FBXL7: variants seen among roughly 807,000 people sequenced by gnomAD.
FBXL7 encodes the protein F-box and leucine rich repeat protein 7.
Under a neutral mutation model 38.3 loss-of-function variants are expected in FBXL7, and 12 were observed. The observed-to-expected ratio is 0.31, with a 90% CI of 0.20 to 0.51. FBXL7 has a LOEUF of 0.51. Among genes scored for constraint, FBXL7 ranks in the 20% least tolerant of loss-of-function variants. The pLI is 0.98. For synonymous variants in FBXL7, 297 were observed against 300.9 expected, an observed-to-expected ratio of 0.99 and a Z score of 0.13; for missense variants, 567 against 676.4, an observed-to-expected ratio of 0.84 and a Z score of 1.79.
At chr5:15,850,660 TGCAGGGCAGC>T (rs1739067311) in intron 2 of FBXL7, among the ~76,000 whole-genome samples, 2 of 152,358 alleles carry the variant, frequency 1.3e-5, no homozygotes, top group Admixed American at 6.5e-5. Flanking sequence ...ATTCGGTTCT[TGCAGGGCAGC>T]GCCCACTCAT....
At chr5:15,888,002 C>A (rs948602540) in intron 2 of FBXL7, among the ~76,000 whole-genome samples, 2 of 152,122 alleles carry the variant, frequency 1.3e-5, no homozygotes, top group Non-Finnish European at 2.9e-5. Context: ...ACCAAAAGTT[C>A]AGAATATCCT....
chr5:15,701,301 A>G (rs994358246), intron 2 of FBXL7, among the ~76,000 whole-genome samples: 6 of 152,216 alleles, frequency 3.9e-5, no homozygotes, highest in Non-Finnish European at 7.3e-5. Context: ...CAAATAGTCC[A>G]ATGACTGTTT....
chr5:15,868,018 C>G (rs1428803498), intron 2 of FBXL7, among the ~76,000 whole-genome samples: 1 of 150,884 alleles, frequency 6.6e-6, no homozygotes, highest in African/African-American at 2.4e-5. Flanking sequence ...GCAGGAGAAT[C>G]ACTTGAACCC....
chr5:15,741,803 C>CT (rs35647246), intron 2 of FBXL7, among the ~76,000 whole-genome samples: 11,647 of 150,494 alleles, frequency 0.077, 623 homozygotes, highest in Admixed American at 0.14. Context: ...AAAAGAACAA[C>CT]TTTTTTTTTT....
chr5:15,545,105 T>C (rs1200157926), intron 1 of FBXL7, among the ~76,000 whole-genome samples: 1 of 152,202 alleles, frequency 6.6e-6, no homozygotes, highest in Non-Finnish European at 1.5e-5. Flanking sequence ...CTTAGAACAA[T>C]TAGGAAGACT....
chr5:15,878,841 C>A (rs1053311821), intron 2 of FBXL7, among the ~76,000 whole-genome samples: 1 of 152,134 alleles, frequency 6.6e-6, no homozygotes, highest in Admixed American at 6.5e-5. Context: ...TTCAAGCTGC[C>A]CTTGGCTGAC....
chr5:15,545,621 A>G (rs1737873124), intron 1 of FBXL7, among the ~76,000 whole-genome samples: 1 of 152,194 alleles, frequency 6.6e-6, no homozygotes, highest in Non-Finnish European at 1.5e-5. Context: ...TGTCATCAAA[A>G]AATTAGTTTA....
At chr5:15,771,486 A>T (rs1340440877) in intron 2 of FBXL7, among the ~76,000 whole-genome samples, 1 of 152,224 alleles carries the variant, frequency 6.6e-6, no homozygotes, top group African/African-American at 2.4e-5. Context: ...ATGTATAGGA[A>T]ATCTGAGATA....
chr5:15,618,998 A>C (rs1053621623), intron 2 of FBXL7, among the ~76,000 whole-genome samples: 1 of 152,162 alleles, frequency 6.6e-6, no homozygotes, highest in African/African-American at 2.4e-5. Context: ...TAAAAAGAGA[A>C]GTTCATGTGC....
At chr5:15,530,667 G>A (rs1737396311) in intron 1 of FBXL7, among the ~76,000 whole-genome samples, 1 of 152,190 alleles carries the variant, frequency 6.6e-6, no homozygotes, top group South Asian at 2.1e-4. Flanking sequence ...AAGGGAAAAG[G>A]TATATGGGAC....
At chr5:15,927,845 T>C in intron 2 of FBXL7, 45 bp from the exon 3 acceptor site, 1 of 1,466,692 alleles carries the variant, frequency 6.8e-7, no homozygotes, top group South Asian at 1.6e-5. Context: ...CCTGGGGCTC[T>C]GCTGAGGCCA....
At position 15,638,293 on chromosome 5, in the gene FBXL7, A is replaced by G. The variant is rs190695538; in HGVS notation, c.127+22221A>G. On this transcript the variant is annotated intron_variant, in intron 2 of 3. Coordinates refer to ENST00000504595, the MANE Select transcript of FBXL7 (RefSeq NM_012304.5). The stretch of plus-strand genomic sequence containing the variant: ...TGGAGTCACAAGGGGGAATTGGAAC[A>G]TAGGGTTGTTCCTGTGTGTGAGGAA... Among the ~76,000 whole-genome samples, 205 of 152,312 alleles carry G rather than the reference A, an allele frequency of 1.3e-3. 3 individuals are homozygous for G. Among genetic ancestry groups the G allele is most frequent in the African/African-American group, 4.7e-3 (195 of 41,582 alleles).
chr5:15,671,278 A>G (rs748264812), intron 2 of FBXL7, among the ~76,000 whole-genome samples: 7 of 152,174 alleles, frequency 4.6e-5, no homozygotes, highest in Non-Finnish European at 1.0e-4. Flanking sequence ...TATCCCTTTA[A>G]TTTCAGCTAA....
intron 1 of FBXL7, among the ~76,000 whole-genome samples, chr5:15,530,164 A>G (rs1012827741): frequency 6.6e-6 from 1 of 152,242 alleles, no homozygotes; most frequent in African/African-American, 2.4e-5. Context: ...ACTAATGTCA[A>G]CAATTCCTTA....
chr5:15,621,007 C>A (rs898456327), intron 2 of FBXL7, among the ~76,000 whole-genome samples: 3 of 152,174 alleles, frequency 2.0e-5, no homozygotes, highest in Non-Finnish European at 4.4e-5. Flanking sequence ...ATCCAGTGTT[C>A]CAGCTAATCC....
intron 2 of FBXL7, among the ~76,000 whole-genome samples, chr5:15,698,283 C>T (rs539789079): frequency 1.3e-5 from 2 of 152,142 alleles, no homozygotes; most frequent in East Asian, 3.9e-4. Flanking sequence ...CAGTAGCCAT[C>T]ACCTAACATA....
intron 1 of FBXL7, among the ~76,000 whole-genome samples, chr5:15,584,316 G>A (rs990869767): frequency 9.9e-5 from 15 of 152,162 alleles, no homozygotes; most frequent in South Asian, 4.1e-4. Flanking sequence ...CAGAAAATGG[G>A]TTTTTCTTTT....
intron 2 of FBXL7, among the ~76,000 whole-genome samples, chr5:15,866,154 C>G (rs945462394): frequency 1.3e-5 from 2 of 152,132 alleles, no homozygotes; most frequent in Non-Finnish European, 2.9e-5. Flanking sequence ...AAAAAAGTCT[C>G]CTTTTCCCTA....
At chr5:15,843,336 T>A (rs903518515) in intron 2 of FBXL7, among the ~76,000 whole-genome samples, 2 of 152,214 alleles carry the variant, frequency 1.3e-5, no homozygotes, top group Non-Finnish European at 2.9e-5. Context: ...ATTTGCTTAT[T>A]GGCGTGTAGT....
Sources: gnomAD v4.1 joint callset for allele counts (sites outside exome capture counted in the v4.1 genomes callset) on GRCh38, gnomAD v4.1.1 for gene constraint, MANE v1.5 for transcripts, NCBI Gene and HGNC (gene_info 2026-07-23, HGNC 2026-07-21) for gene names.